The following ARHGAP1 variants were observed in gnomAD, a reference collection of about 807,000 sequenced individuals.
ARHGAP1 encodes the protein Rho GTPase activating protein 1, also known as rho GTPase-activating protein 1.
In ARHGAP1, 23 loss-of-function variants were observed where a neutral mutation model predicts 52.2. The observed-to-expected ratio is 0.44, with a 90% CI of 0.32 to 0.62. The LOEUF is 0.62. ARHGAP1 is among the 20% of genes least tolerant of loss of function. The pLI, the probability that ARHGAP1 is intolerant of heterozygous loss-of-function variation, is 0.05. For synonymous variants in ARHGAP1, 210 were observed against 228.4 expected, an observed-to-expected ratio of 0.92 and a Z score of 0.73; for missense variants, 480 against 560.9, an observed-to-expected ratio of 0.86 and a Z score of 1.46.
At chr11:46,690,914 C>G (rs944981423) in intron 3 of ARHGAP1, among the ~76,000 whole-genome samples, 5 of 151,746 alleles carry the variant, frequency 3.3e-5, no homozygotes, top group African/African-American at 1.2e-4. Context: ...CAGGGTCTTG[C>G]TCTGTCACCC....
rs777615330 is a variant in ARHGAP1, at chr11:46,696,221, C to T, written c.-49-65G>A. 1.6e-5 allele frequency: 19 copies of T among 1,177,082 alleles called. No individual in the cohort carries two copies. The highest frequency in any genetic ancestry group is 6.0e-5 in the South Asian group (4 of 66,960). The allele number at this position is 1,177,082 out of a possible 1,614,324, so 72.9% of individuals were successfully genotyped here. On this transcript the variant is annotated intron_variant, in intron 1 of 12. Coordinates refer to ENST00000311956, the MANE Select transcript of ARHGAP1 (RefSeq NM_004308.5). The surrounding 1 kb of genome is among the most constrained non-coding windows in gnomAD (Gnocchi z 4.8). ...TCTTTTCACCTTCTGCGACCTCCAC[C>T]GCGTGCCCTCCTGCCCCCACCATTC...
At chr11:46,698,242 C>T (rs1432101423) in intron 1 of ARHGAP1, among the ~76,000 whole-genome samples, 1 of 152,184 alleles carries the variant, frequency 6.6e-6, no homozygotes, top group Non-Finnish European at 1.5e-5. Context: ...GGCAATGGCG[C>T]CTCCCAGAAA....
chr11:46,685,517 G>C lies in ARHGAP1; in HGVS notation c.317+2656C>G, dbSNP rs1303278135. Among the ~76,000 whole-genome samples the C allele has an allele frequency of 3.3e-5, 5 of 151,648 alleles. No homozygotes were observed. In the East Asian group the frequency reaches 9.7e-4, roughly 30 times the overall value. On this transcript the variant is annotated intron_variant, in intron 4 of 12. Coordinates refer to ENST00000311956, the MANE Select transcript of ARHGAP1 (RefSeq NM_004308.5). ...TAATTTTGTATTTTTAGTAGAGACA[G>C]GGTTTTGCCATGTTGGTCAGGCTGG... is the stretch of plus-strand genomic sequence containing the variant.
rs1043917939 is a variant in ARHGAP1, at chr11:46,681,864, A to G, written c.449+187T>C. ...TAAAACAAGAGGTCAGAGTGCAAAT[A>G]AGCTGAGAAACTGGGCCTTACTTAA... is the stretch of plus-strand genomic sequence containing the variant. On this transcript the variant is annotated intron_variant, in intron 5 of 12. Transcript: ENST00000311956. The surrounding 1 kb of genome is among the most constrained non-coding windows in gnomAD (Gnocchi z 5.7). 6.6e-6 allele frequency among the ~76,000 whole-genome samples: 1 copy of G among 152,208 alleles called. No individual in the cohort carries two copies. Among genetic ancestry groups the G allele is most frequent in the Admixed American group, 6.5e-5 (1 of 15,280 alleles).
intron 3 of ARHGAP1, among the ~76,000 whole-genome samples, chr11:46,689,285 C>T (rs192456106): frequency 8.5e-5 from 13 of 152,220 alleles, no homozygotes; most frequent in South Asian, 2.1e-4. Flanking sequence ...TCTATGATTC[C>T]AGTTACATGA....
Position 46,688,157 on chromosome 11 carries a change from C to T in ARHGAP1, c.317+16G>A, listed in dbSNP as rs200110836. 9.4e-5 allele frequency: 152 copies of T among 1,610,188 alleles called. No homozygotes were observed. Among genetic ancestry groups the T allele is most frequent in the Non-Finnish European group, 1.3e-4 (149 of 1,177,438 alleles). On this transcript the variant is annotated intron_variant, in intron 4 of 12. Coordinates refer to ENST00000311956, the MANE Select transcript of ARHGAP1 (RefSeq NM_004308.5). ...ATCTGGGCAAAGCCCCAACACACTTCCCAGCAGGTACTCACCCCAGGAGCT... is the reference window on the plus strand; with the variant it reads ...ATCTGGGCAAAGCCCCAACACACTTTCCAGCAGGTACTCACCCCAGGAGCT...
In ARHGAP1 at chr11:46,681,255, G is replaced by A. The variant is rs760204958; in HGVS notation, c.536+38C>T. ...CAGCCTCCCAGCTTCAGAGTTCCAG[G>A]CAAGCCGGGACCACCAGCCCTGCCC... On this transcript the variant is annotated intron_variant, in intron 6 of 12. Coordinates refer to ENST00000311956, the MANE Select transcript of ARHGAP1 (RefSeq NM_004308.5). The surrounding 1 kb of genome is among the most constrained non-coding windows in gnomAD (Gnocchi z 5.7). 1 of 1,584,476 alleles carries A rather than the reference G, an allele frequency of 6.3e-7. No homozygotes were observed. Among genetic ancestry groups the A allele is most frequent in the Admixed American group, 1.7e-5 (1 of 59,960 alleles).
Position 46,678,070 on chromosome 11 carries a change from C to A in ARHGAP1, c.*967G>T, listed in dbSNP as rs756159367. Reference sequence around the variant, plus strand: ...CCTACGGGCACTCTTAGTCTCTACCCCAGCCCCTTTAAGAGTCCCCCAGCT... The same window carrying A: ...CCTACGGGCACTCTTAGTCTCTACCACAGCCCCTTTAAGAGTCCCCCAGCT... On this transcript the variant is annotated 3_prime_UTR_variant, in exon 13 of 13. Coordinates refer to ENST00000311956, the MANE Select transcript of ARHGAP1 (RefSeq NM_004308.5). 2.1e-4 allele frequency: 68 copies of A among 327,432 alleles called. No homozygotes were observed. The highest frequency in any genetic ancestry group is 3.7e-4 in the Non-Finnish European group (61 of 166,962). The allele number at this position is 327,432 out of a possible 1,614,324, so 20.3% of individuals were successfully genotyped here. A position where few individuals can be genotyped will look rare whatever the true frequency, so the allele number is the denominator to read the frequency against.
chr11:46,692,364 A>G (rs1005211854), intron 3 of ARHGAP1, among the ~76,000 whole-genome samples: 1 of 152,180 alleles, frequency 6.6e-6, no homozygotes, highest in Non-Finnish European at 1.5e-5. Flanking sequence ...GCTCGAGGAC[A>G]ATGGGGGCTA....
At chr11:46,697,769 A>C (rs2064667061) in intron 1 of ARHGAP1, among the ~76,000 whole-genome samples, 2 of 152,300 alleles carry the variant, frequency 1.3e-5, no homozygotes, top group South Asian at 4.1e-4. Flanking sequence ...TCCCTTCCCA[A>C]GAACACAGAG....
In ARHGAP1 at chr11:46,681,242, T is replaced by G. The variant is rs1258144320; in HGVS notation, c.536+51A>C. 3.2e-6 allele frequency: 5 copies of G among 1,574,396 alleles called. No homozygotes were observed. Among genetic ancestry groups the G allele is most frequent in the Non-Finnish European group, 4.4e-6 (5 of 1,144,054 alleles). ...TCCCCAGGCTGCCCAGCCTCCCAGCTTCAGAGTTCCAGGCAAGCCGGGACC... is the reference window on the plus strand; with the variant it reads ...TCCCCAGGCTGCCCAGCCTCCCAGCGTCAGAGTTCCAGGCAAGCCGGGACC... On this transcript the variant is annotated intron_variant, in intron 6 of 12. Transcript: ENST00000311956. This position sits in a 1 kb window ranked among gnomAD's most constrained non-coding sequence, Gnocchi z 5.7.
chr11:46,680,577 G>C lies in ARHGAP1; in HGVS notation c.744-14C>G. On this transcript the variant is annotated splice_polypyrimidine_tract_variant and intron_variant, in intron 8 of 12. Transcript: ENST00000311956. The surrounding 1 kb of genome is among the most constrained non-coding windows in gnomAD (Gnocchi z 5.9). ...TTCTCCTGGAGGCTGCGGGAAAAAG[G>C]CTGGTGAGCCGGGCCTGCAGCCCTT... The C allele has an allele frequency of 6.2e-7, 1 of 1,613,950 alleles. No homozygotes were observed.
Position 46,679,776 on chromosome 11 carries a change from C to T in ARHGAP1, c.899G>A (p.Gly300Glu). Residue 300 changes from glycine (G) to glutamate (E), a missense_variant and splice_region_variant, in exon 11 of 13, where the codon GGG (glycine) becomes GAG (glutamate). Physicochemically the swap from Gly to Glu is moderately conservative, Grantham distance 98. Coordinates refer to ENST00000311956, the MANE Select transcript of ARHGAP1 (RefSeq NM_004308.5). This position sits in a 1 kb window ranked among gnomAD's most constrained non-coding sequence, Gnocchi z 4.4. ...GTACTGGTCGAAATCCACAGGCAGC[C>T]CTGGGGTGGGGGCAGCGTGAGAGAA... is the stretch of plus-strand genomic sequence containing the variant. ...VREVQQKYNMGLPVDFDQYNE... is the reference protein window; with the variant it reads ...VREVQQKYNMELPVDFDQYNE... The T allele has an allele frequency of 1.2e-6, 2 of 1,613,334 alleles. No homozygotes were observed. The highest frequency in any genetic ancestry group is 1.7e-6 in the Non-Finnish European group (2 of 1,179,866).
At position 46,696,140 on chromosome 11, in the gene ARHGAP1, A is replaced by G; in HGVS notation, c.-33T>C. On this transcript the variant is annotated 5_prime_UTR_variant, in exon 2 of 13. Coordinates refer to ENST00000311956, the MANE Select transcript of ARHGAP1 (RefSeq NM_004308.5). This position sits in a 1 kb window ranked among gnomAD's most constrained non-coding sequence, Gnocchi z 4.8. ...CCTGTCCCAGACAGCCTTGCCCTGC[A>G]GAACCTTAAGAGAAACCTGGGAGAG... 1.9e-6 allele frequency: 3 copies of G among 1,563,026 alleles called. No individual in the cohort carries two copies. The highest frequency in any genetic ancestry group is 2.6e-6 in the Non-Finnish European group (3 of 1,155,074).
chr11:46,700,106 G>C (rs905874680), intron 1 of ARHGAP1, among the ~76,000 whole-genome samples: 2 of 152,170 alleles, frequency 1.3e-5, no homozygotes, highest in Non-Finnish European at 2.9e-5. Flanking sequence ...GGAGGCGGAG[G>C]TTGCAGTGAA....
intron 1 of ARHGAP1, among the ~76,000 whole-genome samples, chr11:46,700,069 C>A (rs1011559138): frequency 1.3e-5 from 2 of 152,042 alleles, no homozygotes; most frequent in African/African-American, 4.8e-5. Context: ...ACTCAGGAGG[C>A]TGAGGCAGGA....
chr11:46,682,712 C>T (rs920037423), intron 4 of ARHGAP1, among the ~76,000 whole-genome samples: 1 of 152,142 alleles, frequency 6.6e-6, no homozygotes, highest in African/African-American at 2.4e-5. Context: ...TAACAGTTCT[C>T]ACTCTTGAGC....
chr11:46,686,125 G>A (rs543449235), intron 4 of ARHGAP1, among the ~76,000 whole-genome samples: 108 of 151,702 alleles, frequency 7.1e-4, no homozygotes, highest in Non-Finnish European at 1.3e-3. Context: ...TGAGTAGCTA[G>A]GATTATAGGC....
chr11:46,692,253 G>T (rs917939985), intron 3 of ARHGAP1, among the ~76,000 whole-genome samples: 1 of 152,182 alleles, frequency 6.6e-6, no homozygotes, highest in Non-Finnish European at 1.5e-5. Context: ...CTAGTCTGGA[G>T]CTTCAGAAAC....
Sources: gnomAD v4.1 joint callset for allele counts (sites outside exome capture counted in the v4.1 genomes callset) on GRCh38, gnomAD v4.1.1 for gene constraint, Gnocchi (gnomAD v3.1) non-coding constraint, MANE v1.5 for transcripts, NCBI Gene and HGNC (gene_info 2026-07-23, HGNC 2026-07-21) for gene names.